The following EIF3J variants were observed in gnomAD, a reference collection of about 807,000 sequenced individuals.
The protein encoded by EIF3J is eukaryotic translation initiation factor 3, subunit 1 (alpha, 35kD).
In EIF3J, 15 loss-of-function variants were observed where a neutral mutation model predicts 39.0. That is an observed-to-expected ratio of 0.38 (90% CI 0.26 to 0.59). EIF3J has a LOEUF of 0.59. Ranked by LOEUF, EIF3J falls within the 20% of genes least tolerant of loss-of-function variation. The probability of loss-of-function intolerance (pLI) is 0.60; values close to 1 mark genes in which losing one functional copy is unlikely to be tolerated. For missense variants in EIF3J, 226 were observed against 308.6 expected, an observed-to-expected ratio of 0.73 and a Z score of 2.00; for synonymous variants, 98 against 112.9, an observed-to-expected ratio of 0.87 and a Z score of 0.84.
At chr15:44,560,582 T>C (rs1230142891) in intron 7 of EIF3J, 1 of 421,446 alleles carries the variant, frequency 2.4e-6, no homozygotes, top group East Asian at 3.8e-5. Context: ...TAGGTATAGG[T>C]AAATCAGCTT....
At chr15:44,542,857 G>A (rs1200324911) in intron 2 of EIF3J, among the ~76,000 whole-genome samples, 1 of 152,186 alleles carries the variant, frequency 6.6e-6, no homozygotes, top group Non-Finnish European at 1.5e-5. Context: ...GGATATTATA[G>A]TTGAAAGATT....
chr15:44,547,977 G>A (rs2140895083), intron 2 of EIF3J, among the ~76,000 whole-genome samples: 1 of 152,234 alleles, frequency 6.6e-6, no homozygotes, highest in South Asian at 2.1e-4. Flanking sequence ...AACTGCTAAT[G>A]GAGAAGCTTT....
In EIF3J at chr15:44,550,918, G is replaced by A. The variant is rs768349793; in HGVS notation, c.190G>A (p.Glu64Lys). Residue 64 changes from glutamate (E) to lysine (K), a missense_variant, in exon 3 of 8, where the codon GAA (glutamate) becomes AAA (lysine). This residue lies in a region of EIF3J where 143 missense variants were observed against 156.0 expected (regional missense o/e 0.92). Coordinates refer to ENST00000261868, the MANE Select transcript of EIF3J (RefSeq NM_003758.4). ...TGATGATGAAAAAAAAGAGGAAGCA[G>A]AAGTAAAACCAGGTGAGCCACTGGG... is the stretch of plus-strand genomic sequence containing the variant. ...DDDDEKKEEAEVKPEVKISEK... is the reference protein window; with the variant it reads ...DDDDEKKEEAKVKPEVKISEK... The A allele has an allele frequency of 6.2e-7, 1 of 1,609,552 alleles. No homozygotes were observed. The highest frequency in any genetic ancestry group is 1.7e-5 in the Admixed American group (1 of 59,786).
Position 44,537,165 on chromosome 15 carries a change from C to G in EIF3J, c.-30C>G. The G allele has an allele frequency of 1.2e-6, 2 of 1,613,174 alleles. No individual in the cohort carries two copies. The highest frequency in any genetic ancestry group is 1.7e-6 in the Non-Finnish European group (2 of 1,179,556). ...CCGTGCTAACTCCTCGCTAGCTCTC[C>G]CTCTCACACACGCTCACACCCGGCT... On this transcript the variant is annotated 5_prime_UTR_variant, in exon 1 of 8. Coordinates refer to ENST00000261868, the MANE Select transcript of EIF3J (RefSeq NM_003758.4).
chr15:44,546,852 AGT>A (rs1278358129), intron 2 of EIF3J, among the ~76,000 whole-genome samples: 3 of 112,552 alleles, frequency 2.7e-5, no homozygotes, highest in African/African-American at 1.1e-4. Context: ...TTTGAGACAG[AGT>A]CTCTGTTGCC....
intron 4 of EIF3J, among the ~76,000 whole-genome samples, chr15:44,553,351 G>T (rs961935246): frequency 6.6e-6 from 1 of 152,020 alleles, no homozygotes; most frequent in East Asian, 1.9e-4. Flanking sequence ...AATTAGACGG[G>T]CGTGGTGGCG....
chr15:44,537,649 G>C (rs144596794), intron 2 of EIF3J, among the ~76,000 whole-genome samples: 3 of 152,250 alleles, frequency 2.0e-5, no homozygotes, highest in Non-Finnish European at 4.4e-5. Context: ...CTGCTCTCCG[G>C]CGTGGATCCC....
At chr15:44,538,714 A>T (rs1057352574) in intron 2 of EIF3J, among the ~76,000 whole-genome samples, 1 of 152,216 alleles carries the variant, frequency 6.6e-6, no homozygotes, top group Non-Finnish European at 1.5e-5. Context: ...ATGTTGTAGA[A>T]ACATGGGACT....
At chr15:44,539,631 A>C (rs1482671241) in intron 2 of EIF3J, among the ~76,000 whole-genome samples, 1 of 149,256 alleles carries the variant, frequency 6.7e-6, no homozygotes, top group Non-Finnish European at 1.5e-5. Flanking sequence ...CAATCTCCTG[A>C]CCTTGTGATC....
rs1567114120 is a variant in EIF3J at position 44,537,402 on chromosome 15, G to GCGAGGA, written c.137_142dup (p.Glu46_Asp47dup). On this transcript the variant is annotated inframe_insertion, in exon 2 of 8. Transcript: ENST00000261868. The stretch of plus-strand genomic sequence containing the variant: ...ACTGCCGGCGGGGACCGCTGGGAAG[G>GCGAGGA]CGAGGACGAGGACGAGGACGTCAAG... 1.2e-5 allele frequency: 19 copies of GCGAGGA among 1,561,368 alleles called. No individual in the cohort carries two copies. Among genetic ancestry groups the GCGAGGA allele is most frequent in the Non-Finnish European group, 1.6e-5 (18 of 1,152,710 alleles).
At position 44,537,154 on chromosome 15, in the gene EIF3J, C is replaced by A. The variant is rs375920967; in HGVS notation, c.-41C>A. 6.2e-7 allele frequency: 1 copy of A among 1,613,130 alleles called. No individual in the cohort carries two copies. Among genetic ancestry groups the A allele is most frequent in the Non-Finnish European group, 8.5e-7 (1 of 1,179,578 alleles). ...ACTCACCTCCGCCGTGCTAACTCCT[C>A]GCTAGCTCTCCCTCTCACACACGCT... On this transcript the variant is annotated 5_prime_UTR_variant, in exon 1 of 8. Transcript: ENST00000261868.
chr15:44,562,498 A>C lies in EIF3J; in HGVS notation c.*1349A>C, dbSNP rs373513475. The C allele has an allele frequency of 1.5e-4, 23 of 152,668 alleles. No homozygotes were observed. Among genetic ancestry groups the C allele is most frequent in the African/African-American group, 5.3e-4 (22 of 41,462 alleles). 9.5% of individuals were successfully genotyped at this position (152,668 alleles called of 1,614,324 possible). A position where few individuals can be genotyped will look rare whatever the true frequency, so the allele number is the denominator to read the frequency against. The stretch of plus-strand genomic sequence containing the variant: ...AGACAGAAAGAACAAAAAATGTTTT[A>C]AATTTCTCTTATATAGGAAATAATA... On this transcript the variant is annotated 3_prime_UTR_variant, in exon 8 of 8. Transcript: ENST00000261868.
intron 5 of EIF3J, among the ~76,000 whole-genome samples, chr15:44,555,129 A>G (rs967348065): frequency 3.3e-5 from 5 of 152,122 alleles, no homozygotes; most frequent in Non-Finnish European, 2.9e-5. Flanking sequence ...TGCCCTTACC[A>G]TGCCCTATCT....
chr15:44,552,187 G>A (rs1003096847), intron 4 of EIF3J, among the ~76,000 whole-genome samples: 6 of 152,050 alleles, frequency 3.9e-5, no homozygotes, highest in African/African-American at 7.2e-5. Context: ...TCTGTGCCAT[G>A]TGCTATATAA....
chr15:44,537,579 G>A, intron 2 of EIF3J, 152 bp downstream of exon 2: 1 of 815,446 alleles, frequency 1.2e-6, no homozygotes, highest in Non-Finnish European at 1.8e-6. Flanking sequence ...CCGCTTGCCG[G>A]CCATGTGTGG....
Position 44,537,257 on chromosome 15 carries a change from G to A in EIF3J, c.43+20G>A. The A allele has an allele frequency of 1.3e-6, 2 of 1,578,934 alleles. No individual in the cohort carries two copies. The highest frequency in any genetic ancestry group is 1.7e-6 in the Non-Finnish European group (2 of 1,163,144). On this transcript the variant is annotated intron_variant, in intron 1 of 7. Transcript: ENST00000261868. ...CCTGGGGTGAGGAGAAGTTGCTGGG[G>A]CAGGGCCCGGGCCGGCGCCGGCCCC...
chr15:44,555,831 A>T (rs147353666), intron 5 of EIF3J, among the ~76,000 whole-genome samples: 1 of 152,180 alleles, frequency 6.6e-6, no homozygotes, highest in Non-Finnish European at 1.5e-5. Context: ...ATACAGAAGC[A>T]TACTTATCTT....
At chr15:44,553,565 A>G (rs1165222960) in intron 4 of EIF3J, among the ~76,000 whole-genome samples, 10 of 152,194 alleles carry the variant, frequency 6.6e-5, no homozygotes, top group East Asian at 5.8e-4. Context: ...GTCAACTGTC[A>G]TGTCAGAGAA....
chr15:44,538,125 A>G (rs1254990933), intron 2 of EIF3J, among the ~76,000 whole-genome samples: 1 of 152,048 alleles, frequency 6.6e-6, no homozygotes, highest in Non-Finnish European at 1.5e-5. Flanking sequence ...ACCTAAGGAA[A>G]TATTGAAGAT....
Sources: allele counts gnomAD v4.1 joint callset (sites outside exome capture counted in the v4.1 genomes callset), GRCh38; gene constraint gnomAD v4.1.1; regional missense constraint gnomAD v4.1.1; transcripts MANE v1.5; gene names NCBI Gene and HGNC (gene_info 2026-07-23, HGNC 2026-07-21).